LIN7A: variants seen among roughly 807,000 people sequenced by gnomAD.
LIN7A encodes lin-7 cell polarity scaffold A.
A neutral mutation model predicts 29.8 loss-of-function variants in LIN7A; 25 were observed. That is an observed-to-expected ratio of 0.84 (90% CI 0.61 to 1.17). LIN7A has a LOEUF of 1.17. Among genes scored for constraint, LIN7A ranks in the 50% most tolerant of loss-of-function variants. The probability of loss-of-function intolerance (pLI) is 0.00; values close to 1 mark genes in which losing one functional copy is unlikely to be tolerated. For synonymous variants in LIN7A, 118 were observed against 107.5 expected (o/e 1.10, Z -0.60); for missense variants, 239 against 287.0 (o/e 0.83, Z 1.21).
chr12:80,812,498 A>G (rs149881243), intron 4 of LIN7A, among the ~76,000 whole-genome samples: 150 of 149,324 alleles, frequency 1.0e-3, no homozygotes, highest in African/African-American at 3.7e-3. Flanking sequence ...AAACAGTTTC[A>G]GTATGTGACT....
chr12:80,920,976 G>A (rs779239218), intron 1 of LIN7A, among the ~76,000 whole-genome samples: 2 of 152,184 alleles, frequency 1.3e-5, no homozygotes, highest in Non-Finnish European at 2.9e-5. Context: ...CTGAGGCCAA[G>A]ATCATGTAAT....
intron 1 of LIN7A, among the ~76,000 whole-genome samples, chr12:80,908,335 T>C (rs966479779): frequency 6.6e-6 from 1 of 152,072 alleles, no homozygotes; most frequent in Non-Finnish European, 1.5e-5. Context: ...ATATCGATGT[T>C]AAATGGTTAT....
intron 2 of LIN7A, among the ~76,000 whole-genome samples, chr12:80,888,873 G>A (rs896874754): frequency 6.6e-6 from 1 of 152,074 alleles, no homozygotes; most frequent in African/African-American, 2.4e-5. Context: ...TACTACTTCA[G>A]ATTTACCTGG....
chr12:80,807,066 T>TTTTTTTGTTTTTTG (rs1218785301), intron 5 of LIN7A, among the ~76,000 whole-genome samples: 3 of 50,140 alleles, frequency 6.0e-5, no homozygotes, highest in Admixed American at 4.4e-4. Context: ...AGATGGAGTT[T>TTTTTTTGTTTTTTG]TTTTTTTTTT....
rs376896139 is a variant in LIN7A, at chr12:80,869,633, A to T, written c.201+19618T>A. 2.3e-4 allele frequency among the ~76,000 whole-genome samples: 35 copies of T among 152,296 alleles called. 3 individuals carry two copies. The highest frequency in any genetic ancestry group is 8.2e-4 in the African/African-American group (34 of 41,562). ...CTGTTGGGAATCATTTCATGGAATAACATGTATTTTTGAGGATTCTAAGAA... is the reference window on the plus strand; with the variant it reads ...CTGTTGGGAATCATTTCATGGAATATCATGTATTTTTGAGGATTCTAAGAA... On this transcript the variant is annotated intron_variant, in intron 2 of 5. Coordinates refer to ENST00000552864, the MANE Select transcript of LIN7A (RefSeq NM_004664.4).
intron 5 of LIN7A, among the ~76,000 whole-genome samples, chr12:80,807,889 C>CA (rs1871119414): frequency 6.6e-6 from 1 of 152,184 alleles, no homozygotes; most frequent in South Asian, 2.1e-4. Flanking sequence ...TCTCTGCTTC[C>CA]ACTCTCAGTC....
intron 1 of LIN7A, among the ~76,000 whole-genome samples, chr12:80,909,103 CTTACAT>C (rs1490371261): frequency 6.6e-6 from 1 of 151,966 alleles, no homozygotes; most frequent in Non-Finnish European, 1.5e-5. Flanking sequence ...TGGTTTAGGT[CTTACAT>C]TTACATTTTT....
intron 4 of LIN7A, among the ~76,000 whole-genome samples, chr12:80,816,893 C>T (rs771944432): frequency 2.6e-5 from 4 of 152,172 alleles, no homozygotes; most frequent in African/African-American, 4.8e-5. Flanking sequence ...CTCAGCCTCC[C>T]GAGTAGCTGG....
intron 2 of LIN7A, among the ~76,000 whole-genome samples, chr12:80,850,931 A>C (rs577162623): frequency 6.6e-6 from 1 of 152,240 alleles, no homozygotes; most frequent in South Asian, 2.1e-4. Flanking sequence ...TAATTCTCCT[A>C]ACTTCTTATT....
At chr12:80,828,001 C>T (rs1299979074) in intron 4 of LIN7A, among the ~76,000 whole-genome samples, 2 of 151,910 alleles carry the variant, frequency 1.3e-5, no homozygotes, top group Non-Finnish European at 2.9e-5. Context: ...TTCTCAGCTA[C>T]GAGATGCTCA....
chr12:80,819,097 TGAGA>T (rs964916101), intron 4 of LIN7A, among the ~76,000 whole-genome samples: 1 of 152,200 alleles, frequency 6.6e-6, no homozygotes, highest in Non-Finnish European at 1.5e-5. Context: ...TGGGATATTT[TGAGA>T]GAGAGAATGA....
At position 80,838,405 on chromosome 12, in the gene LIN7A, T is replaced by G. The variant is rs144250476; in HGVS notation, c.483+7325A>C. On this transcript the variant is annotated intron_variant, in intron 4 of 5. Transcript: ENST00000552864. ...CTGTTCTGCTTTTTAAATTAAAAGA[T>G]CTCTTATTGTGAGCCAACTCAGAAT... 1.3e-3 allele frequency among the ~76,000 whole-genome samples: 194 copies of G among 152,292 alleles called. 1 individual carries two copies. Among genetic ancestry groups the G allele is most frequent in the African/African-American group, 4.5e-3 (187 of 41,546 alleles).
At chr12:80,822,589 G>A (rs1843049850) in intron 4 of LIN7A, among the ~76,000 whole-genome samples, 1 of 152,066 alleles carries the variant, frequency 6.6e-6, no homozygotes, top group Admixed American at 6.5e-5. Flanking sequence ...AAAAATAAAA[G>A]GGGTAACTGC....
chr12:80,899,794 A>T (rs1182384219), intron 1 of LIN7A, among the ~76,000 whole-genome samples: 2 of 65,134 alleles, frequency 3.1e-5, no homozygotes. Context: ...TTTGAGATCG[A>T]GTCTCGCTCT....
At chr12:80,922,573 G>A (rs774143824) in intron 1 of LIN7A, among the ~76,000 whole-genome samples, 2 of 152,098 alleles carry the variant, frequency 1.3e-5, no homozygotes, top group Non-Finnish European at 2.9e-5. Flanking sequence ...CTGGGAAGAA[G>A]GATCAAAATA....
At chr12:80,822,020 G>C (rs922843510) in intron 4 of LIN7A, among the ~76,000 whole-genome samples, 2 of 152,124 alleles carry the variant, frequency 1.3e-5, no homozygotes, top group Admixed American at 6.5e-5. Context: ...GGGCACTAAC[G>C]AGCCCAAAGT....
At position 80,797,028 on chromosome 12, in the gene LIN7A, A is replaced by G. The variant is rs1191682615; in HGVS notation, c.*699T>C. The G allele has an allele frequency of 2.6e-5, 4 of 152,162 alleles. No homozygotes were observed. The highest frequency in any genetic ancestry group is 5.9e-5 in the Non-Finnish European group (4 of 68,022). 9.4% of individuals were successfully genotyped at this position (152,162 alleles called of 1,614,324 possible). A position where few individuals can be genotyped will look rare whatever the true frequency, so the allele number is the denominator to read the frequency against. ...GAATTAATAATAATAGATACAAGCA[A>G]TAATTAAAAACTACAGTGCTAGAGT... is the stretch of plus-strand genomic sequence containing the variant. On this transcript the variant is annotated 3_prime_UTR_variant, in exon 6 of 6. Coordinates refer to ENST00000552864, the MANE Select transcript of LIN7A (RefSeq NM_004664.4).
At chr12:80,871,071 G>T (rs1874406252) in intron 2 of LIN7A, among the ~76,000 whole-genome samples, 1 of 152,152 alleles carries the variant, frequency 6.6e-6, no homozygotes, top group Non-Finnish European at 1.5e-5. Context: ...ATTTTTGAAG[G>T]AGTCAGTGTT....
At chr12:80,920,311 C>G (rs77715306) in intron 1 of LIN7A, among the ~76,000 whole-genome samples, 7,749 of 152,146 alleles carry the variant, frequency 0.051, 252 homozygotes, top group Middle Eastern at 0.092. Flanking sequence ...TATGTAAAAG[C>G]CATTTTTAAG....
Sources: allele counts gnomAD v4.1 joint callset (sites outside exome capture counted in the v4.1 genomes callset), GRCh38; gene constraint gnomAD v4.1.1; transcripts MANE v1.5; gene names NCBI Gene and HGNC (gene_info 2026-07-23, HGNC 2026-07-21).